TNFAIP6: variants seen among roughly 807,000 people sequenced by gnomAD.
TNFAIP6 encodes tumor necrosis factor-inducible gene 6 protein.
In TNFAIP6, 36 loss-of-function variants were observed where a neutral mutation model predicts 33.7. The observed-to-expected ratio is 1.07, with a 90% CI of 0.82 to 1.41. The LOEUF (loss-of-function observed/expected upper bound fraction) is 1.41, where lower values mean the gene tolerates loss of function less well. Among genes scored for constraint, TNFAIP6 ranks in the 40% most tolerant of loss-of-function variants. The pLI is 0.00. For missense variants in TNFAIP6, 273 were observed against 331.9 expected (o/e 0.82, Z 1.38); for synonymous variants, 113 against 112.8 (o/e 1.00, Z -0.01).
intron 2 of TNFAIP6, among the ~76,000 whole-genome samples, chr2:151,365,346 A>G (rs1301723786): frequency 1.3e-5 from 2 of 152,022 alleles, no homozygotes; most frequent in Non-Finnish European, 2.9e-5. Context: ...ATGTCTCTAA[A>G]TAAATAAATA....
chr2:151,366,079 T>C lies in TNFAIP6; in HGVS notation c.256T>C (p.Trp86Arg). The C allele has an allele frequency of 1.9e-6, 3 of 1,614,142 alleles. No individual in the cohort carries two copies. Among genetic ancestry groups the C allele is most frequent in the Non-Finnish European group, 2.5e-6 (3 of 1,180,000 alleles). Residue 86 changes from tryptophan to arginine, a missense_variant, in exon 3 of 6, where the codon TGG (tryptophan) becomes CGG (arginine). By Grantham distance (101) the Trp-to-Arg change is moderately radical. Transcript: ENST00000243347. ...AGGATTTCATGTCTGTGCTGCTGGA[T>C]GGATGGCTAAGGGCAGAGTTGGATA... ...KIGFHVCAAG[W>R]MAKGRVGYPI... is the part of the protein sequence containing the mutation.
At chr2:151,368,749 AAATTGTAT>A (rs1349584394) in intron 3 of TNFAIP6, among the ~76,000 whole-genome samples, 2 of 152,138 alleles carry the variant, frequency 1.3e-5, no homozygotes, top group Non-Finnish European at 2.9e-5. Flanking sequence ...TGCGATCATG[AAATTGTAT>A]AATGATTTTC....
In TNFAIP6 at chr2:151,357,612, T is replaced by G; in HGVS notation, c.-55T>G. On this transcript the variant is annotated 5_prime_UTR_variant, in exon 1 of 6. Coordinates refer to ENST00000243347, the MANE Select transcript of TNFAIP6 (RefSeq NM_007115.4). ...GTTTCAGTCACATTTCAGCCACTGC[T>G]CTGAGAATTTGTGAGCAGCCCCTAA... 8.9e-7 allele frequency: 1 copy of G among 1,119,342 alleles called. No individual in the cohort carries two copies. Among genetic ancestry groups the G allele is most frequent in the African/African-American group, 1.5e-5 (1 of 65,268 alleles). The allele number at this position is 1,119,342 out of a possible 1,614,324, so 69.3% of individuals were successfully genotyped here.
intron 4 of TNFAIP6, among the ~76,000 whole-genome samples, chr2:151,371,151 A>G (rs1380442597): frequency 2.0e-5 from 3 of 152,164 alleles, no homozygotes; most frequent in African/African-American, 7.2e-5. Context: ...TTATGGAAGT[A>G]AGGTAAATAA....
intron 5 of TNFAIP6, among the ~76,000 whole-genome samples, chr2:151,379,108 A>C (rs1253490625): frequency 6.6e-6 from 1 of 152,114 alleles, no homozygotes; most frequent in African/African-American, 2.4e-5. Context: ...CATCTCAAAA[A>C]TAAATAAATA....
Position 151,379,616 on chromosome 2 carries a change from CATTT to C in TNFAIP6, c.*91_*94del, listed in dbSNP as rs1684980508. ...CCTTTGATCTCACTGTTATTATTAA[CATTT>C]ATTTATTATTTTTCTAAATGTGAAA... On this transcript the variant is annotated 3_prime_UTR_variant, in exon 6 of 6. Coordinates refer to ENST00000243347, the MANE Select transcript of TNFAIP6 (RefSeq NM_007115.4). 5.1e-6 allele frequency: 5 copies of C among 973,030 alleles called. No individual in the cohort carries two copies. The highest frequency in any genetic ancestry group is 6.9e-6 in the Non-Finnish European group (5 of 726,352). The allele number at this position is 973,030 out of a possible 1,614,324, so 60.3% of individuals were successfully genotyped here.
chr2:151,359,473 C>T (rs1684588159), intron 1 of TNFAIP6, among the ~76,000 whole-genome samples: 3 of 150,708 alleles, frequency 2.0e-5, no homozygotes, highest in South Asian at 4.2e-4. Flanking sequence ...ACTCCAAGCT[C>T]CGCCTCCCAG....
intron 2 of TNFAIP6, among the ~76,000 whole-genome samples, chr2:151,364,464 A>G (rs1217819768): frequency 2.6e-5 from 4 of 152,222 alleles, no homozygotes; most frequent in African/African-American, 9.6e-5. Context: ...ATTGAGTCTT[A>G]CAAGGAAATT....
intron 5 of TNFAIP6, among the ~76,000 whole-genome samples, chr2:151,375,985 C>T (rs1207896211): frequency 6.6e-6 from 1 of 152,096 alleles, no homozygotes; most frequent in African/African-American, 2.4e-5. Flanking sequence ...GTGGCTCATA[C>T]CTGTAATTCT....
In TNFAIP6 at chr2:151,363,945, C is replaced by T. The variant is rs763712766; in HGVS notation, c.97C>T (p.Arg33Ter). Reference protein sequence around the residue: ...GIFHNSIWLERAAGVYHREAR... With the variant: ...GIFHNSIWLE ...TATGACATCATCTGATTTTGCAGAA[C>T]GAGCAGCCGGTGTGTACCACAGAGA... The change falls in exon 2 of 6, where the codon CGA (arginine) becomes TGA (stop). Residue 33 changes from arginine (R) to a stop codon, truncating the protein, a stop_gained and splice_region_variant. Coordinates refer to ENST00000243347, the MANE Select transcript of TNFAIP6 (RefSeq NM_007115.4). LOFTEE classifies it high-confidence loss of function. The T allele has an allele frequency of 1.2e-6, 2 of 1,611,364 alleles. No homozygotes were observed. The highest frequency in any genetic ancestry group is 2.2e-5 in the East Asian group (1 of 44,842).
chr2:151,366,293 C>G, intron 3 of TNFAIP6, 76 bp downstream of exon 3: 1 of 1,312,312 alleles, frequency 7.6e-7, no homozygotes. Flanking sequence ...AAAGAAATGG[C>G]TACTTTTTCC....
intron 1 of TNFAIP6, 93 bp downstream of exon 1, chr2:151,357,853 T>C: frequency 2.5e-6 from 2 of 800,362 alleles, no homozygotes; most frequent in Non-Finnish European, 4.2e-6. Flanking sequence ...TTCTATTCTG[T>C]ACAAGGCTGA....
chr2:151,370,699 TAAC>T (rs1226339966), intron 4 of TNFAIP6, among the ~76,000 whole-genome samples: 1 of 152,240 alleles, frequency 6.6e-6, no homozygotes, highest in African/African-American at 2.4e-5. Context: ...AAGATCTGAC[TAAC>T]AATAGGAGGA....
At chr2:151,358,256 T>C (rs1279160170) in intron 1 of TNFAIP6, among the ~76,000 whole-genome samples, 1 of 152,214 alleles carries the variant, frequency 6.6e-6, no homozygotes, top group African/African-American at 2.4e-5. Context: ...CCAAGCCAGC[T>C]TGCAGTACAG....
In TNFAIP6 at chr2:151,372,667, C is replaced by A. The variant is rs1205917111; in HGVS notation, c.624-882C>A. Among the ~76,000 whole-genome samples the A allele has an allele frequency of 7.9e-5, 12 of 152,164 alleles. No individual in the cohort carries two copies. In the South Asian group the frequency reaches 2.5e-3, roughly 32 times the overall value. ...GGACACAGTGGCTTATGCCCGTAAT[C>A]CTAGCACTTTGGGAGGCCGAGGCAG... On this transcript the variant is annotated intron_variant, in intron 4 of 5. Coordinates refer to ENST00000243347, the MANE Select transcript of TNFAIP6 (RefSeq NM_007115.4).
chr2:151,366,943 C>G (rs933551183), intron 3 of TNFAIP6, among the ~76,000 whole-genome samples: 2 of 152,010 alleles, frequency 1.3e-5, no homozygotes, highest in African/African-American at 2.4e-5. Context: ...AAAAAGTAGG[C>G]TGTTCTTTTT....
rs1312523384 is a variant in TNFAIP6 at position 151,370,105 on chromosome 2, C to A, written c.480C>A (p.Ile160=). The change falls in exon 4 of 6, where the codon ATC becomes ATA. Residue 160 remains isoleucine (I), a synonymous_variant. Transcript: ENST00000243347. The part of the protein sequence containing the change: ...GFPNEYEDNQ[I]CYWHIRLKYG... ...CAAATGAGTACGAAGATAACCAAAT[C>A]TGCTACTGGCACATTAGACTCAAGT... 1 of 1,613,956 alleles carries A rather than the reference C, an allele frequency of 6.2e-7. No individual in the cohort carries two copies. The highest frequency in any genetic ancestry group is 8.5e-7 in the Non-Finnish European group (1 of 1,180,012).
chr2:151,365,244 G>C lies in TNFAIP6; in HGVS notation c.233-812G>C, dbSNP rs147427925. ...TGTGGTCACAGCTACTCTAAAGACT[G>C]AGGTGAGAGGATTGCTTGAACCCAG... On this transcript the variant is annotated intron_variant, in intron 2 of 5. Coordinates refer to ENST00000243347, the MANE Select transcript of TNFAIP6 (RefSeq NM_007115.4). Among the ~76,000 whole-genome samples, 1,510 of 152,254 alleles carry C rather than the reference G, an allele frequency of 9.9e-3. 16 individuals are homozygous for C. Among genetic ancestry groups the C allele is most frequent in the South Asian group, 0.045 (216 of 4,822 alleles).
At position 151,370,056 on chromosome 2, in the gene TNFAIP6, A is replaced by G. The variant is rs1046668; in HGVS notation, c.431A>G (p.Gln144Arg). ...ECGGVFTDPKQIFKSPGFPNE... is the reference protein window; with the variant it reads ...ECGGVFTDPKRIFKSPGFPNE... ...GGTGGCGTCTTTACAGATCCAAAGC[A>G]AATTTTTAAATCTCCAGGCTTCCCA... The change falls in exon 4 of 6, where the codon CAA (glutamine) becomes CGA (arginine). Residue 144 changes from glutamine (Q) to arginine (R), a missense_variant. By Grantham distance (43) the Gln-to-Arg change is conservative (BLOSUM62 1). Transcript: ENST00000243347. 0.14 allele frequency: 232,651 copies of G among 1,613,302 alleles called. 18,098 individuals are homozygous for G. Among genetic ancestry groups the G allele is most frequent in the African/African-American group, 0.29 (22,024 of 74,926 alleles).
Sources: allele counts gnomAD v4.1 joint callset (sites outside exome capture counted in the v4.1 genomes callset), GRCh38; gene constraint gnomAD v4.1.1; transcripts MANE v1.5; gene names NCBI Gene and HGNC (gene_info 2026-07-23, HGNC 2026-07-21).